MARCHF4: variants seen among roughly 807,000 people sequenced by gnomAD.
MARCHF4 encodes the protein membrane associated ring-CH-type finger 4, also known as E3 ubiquitin-protein ligase MARCHF4.
MARCHF4 carries 14 observed loss-of-function variants against 43.9 expected under a neutral mutation model. The observed-to-expected ratio is 0.32, with a 90% CI of 0.21 to 0.50. The LOEUF is 0.50. Ranked by LOEUF, MARCHF4 falls within the 20% of genes least tolerant of loss-of-function variation. MARCHF4 has a pLI of 0.98. For missense variants in MARCHF4, 468 were observed against 536.7 expected, an observed-to-expected ratio of 0.87 and a Z score of 1.27; for synonymous variants, 226 against 213.3, an observed-to-expected ratio of 1.06 and a Z score of -0.52.
At chr2:216,356,346 C>A (rs1444809532) in intron 1 of MARCHF4, among the ~76,000 whole-genome samples, 1 of 152,212 alleles carries the variant, frequency 6.6e-6, no homozygotes, top group Admixed American at 6.5e-5. Context: ...CTGCGCGAAG[C>A]ATGTTTATCA....
At chr2:216,355,177 G>T (rs1403375848) in intron 1 of MARCHF4, among the ~76,000 whole-genome samples, 1 of 151,850 alleles carries the variant, frequency 6.6e-6, no homozygotes, top group Admixed American at 6.6e-5. Flanking sequence ...TCACTATGTT[G>T]GTCAGGCTGG....
intron 1 of MARCHF4, among the ~76,000 whole-genome samples, chr2:216,294,030 T>A (rs1285333129): frequency 2.6e-5 from 4 of 152,224 alleles, no homozygotes; most frequent in Non-Finnish European, 5.9e-5. Flanking sequence ...TGCTCTCAGT[T>A]CTCCCCCTGG....
rs144351954 is a variant in MARCHF4 at position 216,290,531 on chromosome 2, C to T, written c.517-6802G>A. ...ACTTGGCATTTGTGAGTGAGATGGG[C>T]AATCATGAGTGTTTTGAGCAGAGGA... On this transcript the variant is annotated intron_variant, in intron 1 of 3. Transcript: ENST00000273067. Among the ~76,000 whole-genome samples, 287 of 152,172 alleles carry T rather than the reference C, an allele frequency of 1.9e-3. 3 individuals are homozygous for T. The highest frequency in any genetic ancestry group is 6.8e-3 in the African/African-American group (281 of 41,520).
intron 1 of MARCHF4, among the ~76,000 whole-genome samples, chr2:216,342,649 A>T (rs1427988584): frequency 6.6e-6 from 1 of 152,086 alleles, no homozygotes; most frequent in Admixed American, 6.5e-5. Flanking sequence ...TGTGGGAGGA[A>T]TGAGTGGACT....
intron 1 of MARCHF4, among the ~76,000 whole-genome samples, chr2:216,354,522 G>T (rs978487413): frequency 1.3e-5 from 2 of 152,128 alleles, no homozygotes; most frequent in African/African-American, 4.8e-5. Flanking sequence ...TTCTCAGCAC[G>T]CCAGTTTCTT....
chr2:216,263,299 C>T (rs961249384), intron 3 of MARCHF4, among the ~76,000 whole-genome samples: 8 of 152,024 alleles, frequency 5.3e-5, no homozygotes, highest in South Asian at 2.1e-4. Context: ...TGGTGACACG[C>T]GCCTGTAATC....
chr2:216,355,677 G>A lies in MARCHF4; in HGVS notation c.516+14068C>T, dbSNP rs78411807. On this transcript the variant is annotated intron_variant, in intron 1 of 3. Coordinates refer to ENST00000273067, the MANE Select transcript of MARCHF4 (RefSeq NM_020814.3). ...ATTTTTTTGCAGGCAAATGCGTAAT[G>A]GATGTCAAAATCCAGAAATAAGGCA... 2.8e-4 allele frequency among the ~76,000 whole-genome samples: 43 copies of A among 152,306 alleles called. No homozygotes were observed. In the East Asian group the frequency reaches 5.4e-3, roughly 19 times the overall value.
At chr2:216,331,447 T>A (rs987043064) in intron 1 of MARCHF4, among the ~76,000 whole-genome samples, 3 of 152,152 alleles carry the variant, frequency 2.0e-5, no homozygotes, top group Non-Finnish European at 4.4e-5. Context: ...ATATCAATAC[T>A]GTGCAAACTC....
At chr2:216,323,005 C>A (rs184567705) in intron 1 of MARCHF4, among the ~76,000 whole-genome samples, 49 of 152,238 alleles carry the variant, frequency 3.2e-4, no homozygotes, top group Non-Finnish European at 6.6e-4. Context: ...TCAGAAGAAC[C>A]TTTTTCCTCT....
intron 1 of MARCHF4, among the ~76,000 whole-genome samples, chr2:216,314,843 G>A (rs1691748088): frequency 6.6e-6 from 1 of 152,132 alleles, no homozygotes; most frequent in African/African-American, 2.4e-5. Flanking sequence ...AGAAGAGCAT[G>A]AGAGGTGACA....
chr2:216,320,281 A>T (rs1574475757), intron 1 of MARCHF4, among the ~76,000 whole-genome samples: 1 of 152,214 alleles, frequency 6.6e-6, no homozygotes, highest in East Asian at 1.9e-4. Context: ...TGGGTGCTTT[A>T]TTCCCTGCCT....
chr2:216,324,504 C>G (rs1015346340), intron 1 of MARCHF4, among the ~76,000 whole-genome samples: 6 of 152,024 alleles, frequency 3.9e-5, no homozygotes, highest in African/African-American at 9.7e-5. Flanking sequence ...CGGGCAGAGA[C>G]ACAACCAAAA....
intron 1 of MARCHF4, among the ~76,000 whole-genome samples, chr2:216,325,543 T>C (rs1372730839): frequency 6.6e-6 from 1 of 152,150 alleles, no homozygotes; most frequent in Non-Finnish European, 1.5e-5. Flanking sequence ...GCTGGAGGCA[T>C]CACACTACCT....
chr2:216,270,019 T>G (rs914534740), intron 3 of MARCHF4, among the ~76,000 whole-genome samples: 6 of 152,100 alleles, frequency 3.9e-5, no homozygotes, highest in Admixed American at 3.3e-4. Flanking sequence ...ACTGTTCACT[T>G]CCAAATCTGT....
Position 216,348,880 on chromosome 2 carries a change from A to ATT in MARCHF4, c.516+20863_516+20864dup, listed in dbSNP as rs142355167. Among the ~76,000 whole-genome samples, 1,519 of 152,250 alleles carry ATT rather than the reference A, an allele frequency of 1.0e-2. 35 individuals carry two copies. Among genetic ancestry groups the ATT allele is most frequent in the African/African-American group, 0.035 (1,437 of 41,540 alleles). ...TAAAGACTCCATTCAAACTTGATCA[A>ATT]TTTTCCACTAACATCCTATTTTTTT... On this transcript the variant is annotated intron_variant, in intron 1 of 3. Coordinates refer to ENST00000273067, the MANE Select transcript of MARCHF4 (RefSeq NM_020814.3).
At chr2:216,336,769 C>CAAAAAAAAAAAA (rs1453857917) in intron 1 of MARCHF4, among the ~76,000 whole-genome samples, 4 of 66,866 alleles carry the variant, frequency 6.0e-5, no homozygotes, top group Non-Finnish European at 1.2e-4. Context: ...AAAAAAAAAG[C>CAAAAAAAAAAAA]TTTCTGGAAA....
At chr2:216,322,080 G>A (rs1387056348) in intron 1 of MARCHF4, among the ~76,000 whole-genome samples, 1 of 152,196 alleles carries the variant, frequency 6.6e-6, no homozygotes, top group Non-Finnish European at 1.5e-5. Context: ...TGCACAATGA[G>A]GTATACTTAA....
At chr2:216,331,283 C>A (rs1692078225) in intron 1 of MARCHF4, among the ~76,000 whole-genome samples, 1 of 151,630 alleles carries the variant, frequency 6.6e-6, no homozygotes, top group Non-Finnish European at 1.5e-5. Flanking sequence ...TCTAGAAAAG[C>A]ACAATTTAAA....
At chr2:216,273,577 C>T (rs1442875524) in intron 3 of MARCHF4, among the ~76,000 whole-genome samples, 3 of 152,234 alleles carry the variant, frequency 2.0e-5, no homozygotes, top group African/African-American at 7.2e-5. Context: ...CACCCACTCT[C>T]TGCCAGGGAG....
Sources: allele counts gnomAD v4.1 joint callset (sites outside exome capture counted in the v4.1 genomes callset), GRCh38; gene constraint gnomAD v4.1.1; transcripts MANE v1.5; gene names NCBI Gene and HGNC (gene_info 2026-07-23, HGNC 2026-07-21).